The following BCL7C variants were observed in gnomAD, a reference collection of about 807,000 sequenced individuals.
The protein encoded by BCL7C is B-cell CLL/lymphoma 7 protein family member C.
Under a neutral mutation model 26.2 loss-of-function variants are expected in BCL7C, and 8 were observed. The observed-to-expected ratio is 0.30, with a 90% confidence interval of 0.18 to 0.55. BCL7C has a LOEUF of 0.55. BCL7C is among the 20% of genes least tolerant of loss of function. The probability of loss-of-function intolerance (pLI) is 0.93; values close to 1 mark genes in which losing one functional copy is unlikely to be tolerated. For missense variants in BCL7C, 262 were observed against 298.5 expected (o/e 0.88, Z 0.90); for synonymous variants, 90 against 116.5 (o/e 0.77, Z 1.47).
chr16:30,865,060 T>C (rs1466324372), intron 5 of BCL7C, among the ~76,000 whole-genome samples: 2 of 149,648 alleles, frequency 1.3e-5, no homozygotes, highest in African/African-American at 2.5e-5. Flanking sequence ...CCCAGCTACT[T>C]GGGAGGCTGA....
At chr16:30,866,584 A>AG (rs1043599690) in intron 5 of BCL7C, among the ~76,000 whole-genome samples, 8 of 151,642 alleles carry the variant, frequency 5.3e-5, no homozygotes, top group Non-Finnish European at 8.8e-5. Flanking sequence ...GGAAAAAAAA[A>AG]AAAAAGGTGG....
chr16:30,846,377 C>T (rs1460948423), intron 5 of BCL7C, among the ~76,000 whole-genome samples: 1 of 151,524 alleles, frequency 6.6e-6, no homozygotes, highest in African/African-American at 2.4e-5. Context: ...AGGCGCCCAC[C>T]AACACGCCCG....
intron 5 of BCL7C, among the ~76,000 whole-genome samples, chr16:30,839,921 T>C (rs998317136): frequency 6.6e-6 from 1 of 152,216 alleles, no homozygotes; most frequent in Non-Finnish European, 1.5e-5. Context: ...AGAGCTCAGC[T>C]GGAGATAACT....
At chr16:30,885,529 G>A (rs998533582), downstream of BCL7C, among the ~76,000 whole-genome samples, 2 of 151,404 alleles carry the variant, frequency 1.3e-5, no homozygotes, top group African/African-American at 4.9e-5. Flanking sequence ...TCAGCTTCCC[G>A]AGTAGCAGGG....
At chr16:30,858,316 G>T (rs920583315) in intron 5 of BCL7C, among the ~76,000 whole-genome samples, 1 of 152,186 alleles carries the variant, frequency 6.6e-6, no homozygotes, top group Non-Finnish European at 1.5e-5. Context: ...TACCCTGGAG[G>T]AAGGTCCTTG....
At chr16:30,841,339 G>T (rs1284870578) in intron 5 of BCL7C, among the ~76,000 whole-genome samples, 4 of 152,258 alleles carry the variant, frequency 2.6e-5, no homozygotes, top group Non-Finnish European at 5.9e-5. Flanking sequence ...GAGGTAATTT[G>T]TTGGGAGCCG....
At chr16:30,848,891 C>A (rs1483145000) in intron 5 of BCL7C, among the ~76,000 whole-genome samples, 15 of 131,800 alleles carry the variant, frequency 1.1e-4, no homozygotes, top group Non-Finnish European at 1.1e-4. Context: ...GACTCCATCA[C>A]AAAAAAAAAA....
intron 5 of BCL7C, among the ~76,000 whole-genome samples, chr16:30,835,573 C>T (rs1296910240): frequency 6.6e-6 from 1 of 152,024 alleles, no homozygotes; most frequent in Admixed American, 6.6e-5. Context: ...TGGCCGGGCT[C>T]GGTGGCTCAC....
chr16:30,856,699 C>T (rs1473865622), intron 5 of BCL7C, among the ~76,000 whole-genome samples: 5 of 152,070 alleles, frequency 3.3e-5, no homozygotes, highest in Admixed American at 6.5e-5. Flanking sequence ...CCAGCTTTTC[C>T]GAGGGGCTCT....
intron 5 of BCL7C, among the ~76,000 whole-genome samples, chr16:30,865,723 TTTTC>T (rs1278732892): frequency 1.3e-4 from 15 of 115,232 alleles, no homozygotes; most frequent in Non-Finnish European, 2.3e-4. Flanking sequence ...ATGGCTTTTT[TTTTC>T]TTTTTTTTTT....
In BCL7C at chr16:30,857,387, CAA is replaced by C. The variant is rs71149059; in HGVS notation, c.529-22241_529-22240del. ...TGGGTGACAGAGCGAGACTCCATCT[CAA>C]AAAAAAAAAAAAAAAAAAGATAAAC... On this transcript the variant is annotated intron_variant, in intron 5 of 5. Transcript: ENST00000380317. Among the ~76,000 whole-genome samples, 655 of 90,322 alleles carry C rather than the reference CAA, an allele frequency of 7.3e-3. 3 individuals carry two copies. The highest frequency in any genetic ancestry group is 0.019 in the African/African-American group (442 of 23,460). 59.3% of individuals were successfully genotyped at this position (90,322 alleles called of 152,430 possible).
chr16:30,893,032 G>A lies in BCL7C; in HGVS notation c.172-84C>T. On this transcript the variant is annotated intron_variant, in intron 2 of 5. Coordinates refer to ENST00000215115, the MANE Select transcript of BCL7C (RefSeq NM_004765.4). This position sits in a 1 kb window ranked among gnomAD's most constrained non-coding sequence, Gnocchi z 5.2. ...AACTGAGGCACTGAGAAGCAAAAGG[G>A]CTCAAACTCAGGGGGTGTGGAGCAG... 7.2e-7 allele frequency: 1 copy of A among 1,382,866 alleles called. No individual in the cohort carries two copies. Among genetic ancestry groups the A allele is most frequent in the Non-Finnish European group, 1.0e-6 (1 of 996,042 alleles). The allele number at this position is 1,382,866 out of a possible 1,614,324, so 85.7% of individuals were successfully genotyped here.
intron 5 of BCL7C, among the ~76,000 whole-genome samples, chr16:30,836,585 C>T (rs1266552050): frequency 6.6e-6 from 1 of 151,634 alleles, no homozygotes; most frequent in Admixed American, 6.6e-5. Flanking sequence ...AGCGATCCTC[C>T]CACCTCAGCC....
intron 3 of BCL7C, 24 bp downstream of exon 3, chr16:30,892,816 C>T (rs370863184): frequency 6.2e-7 from 1 of 1,613,840 alleles, no homozygotes; most frequent in Non-Finnish European, 8.5e-7. Context: ...CCACAGCCCC[C>T]CGCGTTTCAG....
chr16:30,858,428 C>G (rs2054742652), intron 5 of BCL7C, among the ~76,000 whole-genome samples: 2 of 152,238 alleles, frequency 1.3e-5, no homozygotes, highest in South Asian at 4.1e-4. Flanking sequence ...TTAGGGATTA[C>G]TAGACATGGG....
chr16:30,870,764 A>G (rs977229728), intron 5 of BCL7C, among the ~76,000 whole-genome samples: 1 of 152,222 alleles, frequency 6.6e-6, no homozygotes, highest in African/African-American at 2.4e-5. Context: ...TTGCTGGGGT[A>G]CCACAGCCAA....
In BCL7C at chr16:30,894,015, G is replaced by T; in HGVS notation, c.-71C>A. 1.4e-6 allele frequency: 1 copy of T among 721,574 alleles called. No individual in the cohort carries two copies. The allele number at this position is 721,574 out of a possible 1,614,324, so 44.7% of individuals were successfully genotyped here. On this transcript the variant is annotated 5_prime_UTR_variant, in exon 1 of 6. Coordinates refer to ENST00000215115, the MANE Select transcript of BCL7C (RefSeq NM_004765.4). ...CCCGTCCGGCGGGCTCAGGCTCCGC[G>T]CCAGGCCCGGGCGCCGCGCTCTCGG...
At chr16:30,858,069 T>A (rs900855636) in intron 5 of BCL7C, among the ~76,000 whole-genome samples, 5 of 152,166 alleles carry the variant, frequency 3.3e-5, no homozygotes, top group Non-Finnish European at 7.4e-5. Context: ...AAAAGCTGAT[T>A]TGGGCAATTT....
intron 5 of BCL7C, among the ~76,000 whole-genome samples, chr16:30,858,379 G>T (rs1181912282): frequency 3.3e-5 from 5 of 152,194 alleles, no homozygotes; most frequent in Non-Finnish European, 2.9e-5. Context: ...CCACTCACCA[G>T]GGTGTCTGTG....
Sources: allele counts gnomAD v4.1 joint callset (sites outside exome capture counted in the v4.1 genomes callset), GRCh38; gene constraint gnomAD v4.1.1; non-coding constraint Gnocchi (gnomAD v3.1); transcripts MANE v1.5; gene names NCBI Gene and HGNC (gene_info 2026-07-23, HGNC 2026-07-21).